Variants in AR observed in about 807,000 individuals in gnomAD.
AR encodes the protein androgen receptor, also known as dihydrotestosterone receptor.
A neutral mutation model predicts 53.9 loss-of-function variants in AR; 8 were observed. The observed-to-expected ratio is 0.15, with a 90% CI of 0.09 to 0.27. The LOEUF (loss-of-function observed/expected upper bound fraction) is 0.27, where lower values mean the gene tolerates loss of function less well. Ranked by LOEUF, AR falls within the 10% of genes least tolerant of loss-of-function variation. AR has a pLI of 1.00. For missense variants in AR, 639 were observed against 742.5 expected, an observed-to-expected ratio of 0.86 and a Z score of 1.62; for synonymous variants, 359 against 316.4, an observed-to-expected ratio of 1.13 and a Z score of -1.43.
At chrX:67,657,863 CT>C (rs1447591356) in intron 2 of AR, among the ~76,000 whole-genome samples, 1 of 111,689 alleles carries the variant, frequency 9.0e-6, no homozygotes, top group African/African-American at 3.2e-5. Context: ...TATTCATGTC[CT>C]TTTTTTCTTT....
intron 1 of AR, among the ~76,000 whole-genome samples, chrX:67,642,708 T>A (rs1925847303): frequency 8.9e-6 from 1 of 111,957 alleles, no homozygotes. Context: ...TGTGTATTTA[T>A]TCCAATGGCA....
At chrX:67,661,127 G>A (rs1652949947) in intron 2 of AR, among the ~76,000 whole-genome samples, 1 of 111,543 alleles carries the variant, frequency 9.0e-6, no homozygotes, top group African/African-American at 3.3e-5. Flanking sequence ...AGACGATGGG[G>A]TTTTCTAGGT....
At chrX:67,580,015 G>T (rs1379837133) in intron 1 of AR, among the ~76,000 whole-genome samples, 1 of 110,444 alleles carries the variant, frequency 9.1e-6, no homozygotes, top group Non-Finnish European at 1.9e-5. Flanking sequence ...AATCGCTAGT[G>T]GTGTGGCCAT....
At chrX:67,649,999 C>T (rs191384475) in intron 2 of AR, among the ~76,000 whole-genome samples, 4 of 111,894 alleles carry the variant, frequency 3.6e-5, no homozygotes, top group African/African-American at 9.7e-5. Context: ...ATACAACTCA[C>T]AAGGGATGTG....
At chrX:67,660,124 G>A (rs1462400129) in intron 2 of AR, among the ~76,000 whole-genome samples, 3 of 111,885 alleles carry the variant, frequency 2.7e-5, no homozygotes, top group Admixed American at 9.5e-5. Context: ...CCCTTTGTCA[G>A]ATGAGTAGAT....
At chrX:67,619,099 T>C (rs1409531611) in intron 1 of AR, among the ~76,000 whole-genome samples, 1 of 111,442 alleles carries the variant, frequency 9.0e-6, no homozygotes, top group Non-Finnish European at 1.9e-5. Flanking sequence ...TCCATATTGC[T>C]AATTAGCTCC....
At chrX:67,617,899 T>C (rs1304996133) in intron 1 of AR, among the ~76,000 whole-genome samples, 1 of 111,539 alleles carries the variant, frequency 9.0e-6, no homozygotes, top group Non-Finnish European at 1.9e-5. Flanking sequence ...CTGCAACTTG[T>C]CTCTTCATGG....
intron 1 of AR, among the ~76,000 whole-genome samples, chrX:67,613,664 A>G (rs1196706969): frequency 8.9e-6 from 1 of 111,773 alleles, no homozygotes; most frequent in Non-Finnish European, 1.9e-5. Flanking sequence ...CTCAAGCCAC[A>G]CATGGATCCA....
chrX:67,659,622 G>A (rs1926771511), intron 2 of AR, among the ~76,000 whole-genome samples: 1 of 111,845 alleles, frequency 8.9e-6, no homozygotes, highest in Non-Finnish European at 1.9e-5. Context: ...TATCATTGAT[G>A]GACATTTGGG....
chrX:67,642,721 T>G (rs765746468), intron 1 of AR, among the ~76,000 whole-genome samples: 1 of 111,994 alleles, frequency 8.9e-6, no homozygotes, highest in Non-Finnish European at 1.9e-5. Context: ...CAATGGCATT[T>G]TATCCATTAT....
At chrX:67,576,988 TTCTC>T (rs1297450807) in intron 1 of AR, among the ~76,000 whole-genome samples, 11 of 107,147 alleles carry the variant, frequency 1.0e-4, no homozygotes, top group African/African-American at 2.1e-4. Flanking sequence ...GTCAATGGGT[TTCTC>T]TCTCTCTCTC....
rs1923861251 is a variant in AR at position 67,611,117 on chromosome X, T to A, written c.1617-32139T>A. Among the ~76,000 whole-genome samples the A allele has an allele frequency of 4.5e-5, 5 of 111,966 alleles. No homozygotes were observed. The Admixed American group carries it at 4.8e-4, about 11-fold the overall frequency. ...ATACCTTTATTATCATACTTTTGCA[T>A]GTATAGCAATAAGACAAATTCTTAG... On this transcript the variant is annotated intron_variant, in intron 1 of 7. Coordinates refer to ENST00000374690, the MANE Select transcript of AR (RefSeq NM_000044.6).
chrX:67,561,073 T>C (rs775931495), intron 1 of AR, among the ~76,000 whole-genome samples: 6 of 112,323 alleles, frequency 5.3e-5, no homozygotes, highest in South Asian at 3.7e-4. Context: ...ACTTAGTCCC[T>C]TAAATCAGAA....
intron 3 of AR, among the ~76,000 whole-genome samples, chrX:67,708,830 C>T (rs979121443): frequency 1.8e-5 from 2 of 111,993 alleles, no homozygotes; most frequent in African/African-American, 3.3e-5. Context: ...GTGTGGATGT[C>T]CTTTCTGTTT....
chrX:67,587,233 G>T (rs1394518608), intron 1 of AR, among the ~76,000 whole-genome samples: 1 of 112,522 alleles, frequency 8.9e-6, no homozygotes, highest in Non-Finnish European at 1.9e-5. Flanking sequence ...AGGAAAATCA[G>T]CTGGGGAATG....
At chrX:67,651,398 C>A (rs993483852) in intron 2 of AR, among the ~76,000 whole-genome samples, 14 of 110,707 alleles carry the variant, frequency 1.3e-4, no homozygotes, top group South Asian at 1.2e-3. Context: ...TTTTGAACTT[C>A]GCAACTTTCT....
chrX:67,726,918 A>G lies in AR; in HGVS notation c.*3077A>G, dbSNP rs999048684. The G allele has an allele frequency of 1.2e-5, 2 of 173,522 alleles. No homozygotes were observed. The highest frequency in any genetic ancestry group is 5.9e-5 in the African/African-American group (2 of 34,051). The allele number at this position is 173,522 out of a possible 1,213,427, so 14.3% of individuals were successfully genotyped here. A position where few individuals can be genotyped will look rare whatever the true frequency, so the allele number is the denominator to read the frequency against. Reference sequence around the variant, plus strand: ...AGAAGATGAGGATCACTCACTGGAAAAGTCACAAGGACCATCTCCAAACAA... The same window carrying G: ...AGAAGATGAGGATCACTCACTGGAAGAGTCACAAGGACCATCTCCAAACAA... On this transcript the variant is annotated 3_prime_UTR_variant, in exon 8 of 8. Transcript: ENST00000374690.
intron 2 of AR, among the ~76,000 whole-genome samples, chrX:67,682,213 C>T (rs2075938943): frequency 9.0e-6 from 1 of 111,316 alleles, no homozygotes; most frequent in African/African-American, 3.3e-5. Flanking sequence ...TATTAATGAG[C>T]CTCATTTTCT....
At chrX:67,637,084 C>A (rs1020287960) in intron 1 of AR, among the ~76,000 whole-genome samples, 2 of 110,847 alleles carry the variant, frequency 1.8e-5, no homozygotes, top group Non-Finnish European at 3.8e-5. Context: ...ATGAAAATTT[C>A]GATTTCTTTA....
Sources: gnomAD v4.1 joint callset for allele counts (sites outside exome capture counted in the v4.1 genomes callset) on GRCh38, gnomAD v4.1.1 for gene constraint, MANE v1.5 for transcripts, NCBI Gene and HGNC (gene_info 2026-07-23, HGNC 2026-07-21) for gene names.